UBTF: variants seen among roughly 807,000 people sequenced by gnomAD.
The protein encoded by UBTF is upstream binding transcription factor, also known as nucleolar transcription factor 1.
A neutral mutation model predicts 112.3 loss-of-function variants in UBTF; 8 were observed. That is an observed-to-expected ratio of 0.07 (90% CI 0.04 to 0.13). The LOEUF (loss-of-function observed/expected upper bound fraction) is 0.13, where lower values mean the gene tolerates loss of function less well. Ranked by LOEUF, UBTF falls within the 10% of genes least tolerant of loss-of-function variation. UBTF has a pLI of 1.00. For synonymous variants in UBTF, 417 were observed against 373.1 expected, an observed-to-expected ratio of 1.12 and a Z score of -1.36; for missense variants, 457 against 982.1, an observed-to-expected ratio of 0.47 and a Z score of 7.15.
rs1201697660 is a variant in UBTF at position 44,215,948 on chromosome 17, A to G, written c.276T>C (p.Ala92=). Residue 92 remains alanine, a synonymous_variant, in exon 4 of 21, where the codon GCT becomes GCC. Transcript: ENST00000436088. ...FRTLTELILD[A]QEHVKNPYKG... is the part of the protein sequence containing the mutation. ...TGTAAGGATTTTTAACATGTTCCTG[A>G]GCATCGAGGATCAATTCTGTCAATG... 50 of 1,613,932 alleles carry G rather than the reference A, an allele frequency of 3.1e-5. No individual in the cohort carries two copies. The highest frequency in any genetic ancestry group is 4.2e-5 in the Non-Finnish European group (50 of 1,180,032).
intron 8 of UBTF, 29 bp downstream of exon 8, chr17:44,212,315 G>C (rs377569397): frequency 6.3e-7 from 1 of 1,589,166 alleles, no homozygotes; most frequent in African/African-American, 1.3e-5. Context: ...TGAAGAGCCG[G>C]ACGGGGAGGA....
chr17:44,212,134 A>G, intron 8 of UBTF, 128 bp from the exon 9 acceptor site: 2 of 845,170 alleles, frequency 2.4e-6, no homozygotes, highest in South Asian at 3.1e-5. Flanking sequence ...CAGTGGTGTC[A>G]CACGAGACGT....
At chr17:44,212,072 G>A in intron 8 of UBTF, 66 bp from the exon 9 acceptor site, 2 of 1,545,172 alleles carry the variant, frequency 1.3e-6, no homozygotes, top group Non-Finnish European at 1.8e-6. Context: ...GGGGCAGGGG[G>A]AGAGCCGCTG....
At chr17:44,217,588 G>A (rs2046909423) in intron 2 of UBTF, among the ~76,000 whole-genome samples, 1 of 152,196 alleles carries the variant, frequency 6.6e-6, no homozygotes, top group African/African-American at 2.4e-5. Context: ...CAGAGATTCT[G>A]CAGAATGGGC....
At chr17:44,220,285 G>T (rs1032688663), upstream of UBTF, among the ~76,000 whole-genome samples, 104 of 151,904 alleles carry the variant, frequency 6.8e-4, no homozygotes, top group Non-Finnish European at 1.3e-3. Flanking sequence ...AGGCTCGGGG[G>T]GCGCCCACAG....
At chr17:44,210,550 T>C in intron 13 of UBTF, 77 bp from the exon 14 acceptor site, 1 of 1,460,874 alleles carries the variant, frequency 6.8e-7, no homozygotes, top group South Asian at 1.4e-5. Flanking sequence ...GCCCAGGCGC[T>C]CCCGCCGGCG....
At chr17:44,216,842 A>G in intron 2 of UBTF, 138 bp from the exon 3 acceptor site, 1 of 815,544 alleles carries the variant, frequency 1.2e-6, no homozygotes, top group South Asian at 1.5e-5. Context: ...CACAGACAAG[A>G]TATGGCTCAG....
At chr17:44,213,003 G>A (rs548093591) in intron 6 of UBTF, 64 bp from the exon 7 acceptor site, 58 of 1,592,150 alleles carry the variant, frequency 3.6e-5, no homozygotes, top group South Asian at 2.8e-4. Flanking sequence ...CAAGCTAGCT[G>A]CCCCACCCAC....
At chr17:44,220,503 C>CT (rs1228918151), upstream of UBTF, among the ~76,000 whole-genome samples, 1 of 104,466 alleles carries the variant, frequency 9.6e-6, no homozygotes, top group Non-Finnish European at 1.7e-5. Flanking sequence ...ACATACGAAA[C>CT]TTAAAAAAAA....
chr17:44,211,624 A>G lies in UBTF; in HGVS notation c.1029T>C (p.Tyr343=). 6.2e-7 allele frequency: 1 copy of G among 1,611,614 alleles called. No homozygotes were observed. Among genetic ancestry groups the G allele is most frequent in the Non-Finnish European group, 8.5e-7 (1 of 1,179,854 alleles). The change falls in exon 10 of 21, where the codon TAT becomes TAC. Residue 343 remains tyrosine (Y), a synonymous_variant. Transcript: ENST00000436088. The surrounding 1 kb of genome is among the most constrained non-coding windows in gnomAD (Gnocchi z 4.9). The part of the protein sequence containing the change: ...KLLSQKEKDA[Y]HKKCDQKKKD... ...AGCTCACCTGATCACACTTCTTGTGATAGGCGTCCTTCTCCTTCTGGGACA... is the reference window on the plus strand; with the variant it reads ...AGCTCACCTGATCACACTTCTTGTGGTAGGCGTCCTTCTCCTTCTGGGACA...
chr17:44,219,917 T>TC (rs1224655908), upstream of UBTF, among the ~76,000 whole-genome samples: 1 of 149,556 alleles, frequency 6.7e-6, no homozygotes, highest in Non-Finnish European at 1.5e-5. Flanking sequence ...CTCCGCTCCC[T>TC]CCCACAGCCT....
In UBTF at chr17:44,212,948, G is replaced by C. The variant is rs201507899; in HGVS notation, c.540-9C>G. 369 of 1,613,684 alleles carry C rather than the reference G, an allele frequency of 2.3e-4. 2 individuals are homozygous for C. The African/African-American group carries it at 4.2e-3, about 18-fold the overall frequency. On this transcript the variant is annotated splice_polypyrimidine_tract_variant and intron_variant, in intron 6 of 20. Transcript: ENST00000436088. Reference sequence around the variant, plus strand: ...GGTCGGGGTGATCCTCCCTAGCCAGGACACGGGGAGCAAGGATCAGCAGGG... The same window carrying C: ...GGTCGGGGTGATCCTCCCTAGCCAGCACACGGGGAGCAAGGATCAGCAGGG...
intron 5 of UBTF, among the ~76,000 whole-genome samples, chr17:44,215,034 G>C (rs933631035): frequency 6.6e-6 from 1 of 152,246 alleles, no homozygotes; most frequent in Non-Finnish European, 1.5e-5. Context: ...GTCTGGGACA[G>C]TGCCCGACCT....
At chr17:44,212,769 C>T (rs754954549) in intron 7 of UBTF, 50 bp downstream of exon 7, 16 of 1,605,898 alleles carry the variant, frequency 1.0e-5, no homozygotes, top group Non-Finnish European at 4.3e-6. Context: ...CGGCTCCCCC[C>T]TGGCCACCGC....
At chr17:44,212,778 GCCGTGCATC>G in intron 7 of UBTF, 32 bp downstream of exon 7, 1 of 1,609,564 alleles carries the variant, frequency 6.2e-7, no homozygotes, top group South Asian at 1.1e-5. Context: ...CCTGGCCACC[GCCGTGCATC>G]CTCCACCCCC....
chr17:44,220,385 C>G (rs929363564), upstream of UBTF, among the ~76,000 whole-genome samples: 1 of 152,136 alleles, frequency 6.6e-6, no homozygotes, highest in Non-Finnish European at 1.5e-5. Flanking sequence ...GAGCGGTCCG[C>G]GCCCACCCTC....
chr17:44,210,544 A>G (rs1598230512), intron 13 of UBTF, 71 bp from the exon 14 acceptor site: 1 of 1,470,104 alleles, frequency 6.8e-7, no homozygotes, highest in Admixed American at 2.7e-5. Flanking sequence ...GCAGCAGCCC[A>G]GGCGCTCCCG....
At position 44,207,583 on chromosome 17, in the gene UBTF, A is replaced by C. The variant is rs113823176; in HGVS notation, c.2040T>G (p.Asp680Glu). Reference sequence around the variant, plus strand: ...CCTCGTCATCCTCATCCTCTTCATCATCCTCCTCGGACTCCTTGGAGGGAT... The same window carrying C: ...CCTCGTCATCCTCATCCTCTTCATCCTCCTCCTCGGACTCCTTGGAGGGAT... ...TLQSKSESEE[D>E]DEEDEDDEDE... Residue 680 changes from aspartate to glutamate, a missense_variant, in exon 20 of 21, where the codon GAT becomes GAG. Physicochemically the swap from Asp to Glu is conservative, Grantham distance 45. Transcript: ENST00000436088. The C allele has an allele frequency of 5.6e-6, 9 of 1,613,632 alleles. No individual in the cohort carries two copies. The highest frequency in any genetic ancestry group is 1.1e-5 in the South Asian group (1 of 91,074).
rs2056193557 is a variant in UBTF, at chr17:44,205,440, G to C, written c.*1802C>G. The C allele has an allele frequency of 6.6e-6, 1 of 152,398 alleles. No homozygotes were observed. The highest frequency in any genetic ancestry group is 1.5e-5 in the Non-Finnish European group (1 of 68,028). 9.4% of individuals were successfully genotyped at this position (152,398 alleles called of 1,614,324 possible). On this transcript the variant is annotated 3_prime_UTR_variant, in exon 21 of 21. Transcript: ENST00000436088. Reference sequence around the variant, plus strand: ...TGTAGGGGCATCCAAATAGGAAACTGGGGTTCTTTGCAGGGCTCTTGGGAA... The same window carrying C: ...TGTAGGGGCATCCAAATAGGAAACTCGGGTTCTTTGCAGGGCTCTTGGGAA...
Sources: allele counts gnomAD v4.1 joint callset (sites outside exome capture counted in the v4.1 genomes callset), GRCh38; gene constraint gnomAD v4.1.1; non-coding constraint Gnocchi (gnomAD v3.1); transcripts MANE v1.5; gene names NCBI Gene and HGNC (gene_info 2026-07-23, HGNC 2026-07-21).